PHF14: variants seen among roughly 807,000 people sequenced by gnomAD.
PHF14 encodes PHD finger protein 14.
In PHF14, 55 loss-of-function variants were observed where a neutral mutation model predicts 117.9. That is an observed-to-expected ratio of 0.47 (90% CI 0.38 to 0.58). The LOEUF is 0.58. PHF14 is among the 20% of genes least tolerant of loss of function. PHF14 has a pLI of 0.00. For synonymous variants in PHF14, 409 were observed against 368.6 expected (o/e 1.11, Z -1.26); for missense variants, 978 against 1,122.2 (o/e 0.87, Z 1.84).
chr7:11,000,940 C>G (rs35639676), intron 4 of PHF14, among the ~76,000 whole-genome samples: 3,055 of 151,984 alleles, frequency 0.02, 52 homozygotes, highest in Non-Finnish European at 0.034. Flanking sequence ...GTTACTATGC[C>G]TGAGGTTATC....
Position 10,982,990 on chromosome 7 carries a change from G to A in PHF14, c.731G>A (p.Ser244Asn), listed in dbSNP as rs1341877526. The change falls in exon 3 of 18, where the codon AGC becomes AAC. Residue 244 changes from serine to asparagine, a missense_variant. This residue lies in a region of PHF14 where 414 missense variants were observed against 376.4 expected (regional missense o/e 1.10). Coordinates refer to ENST00000634607, the MANE Select transcript of PHF14 (RefSeq NM_001007157.2). ...GDNEDDEDEG[S>N]GSDEDENDEG... Reference sequence around the variant, plus strand: ...AATGAGGATGATGAAGATGAGGGAAGCGGGAGTGATGAAGACGAGAATGAT... The same window carrying A: ...AATGAGGATGATGAAGATGAGGGAAACGGGAGTGATGAAGACGAGAATGAT... The A allele has an allele frequency of 6.3e-7, 1 of 1,583,862 alleles. No individual in the cohort carries two copies. The highest frequency in any genetic ancestry group is 2.3e-5 in the East Asian group (1 of 43,782).
At chr7:11,149,293 T>A (rs934003575) in intron 17 of PHF14, among the ~76,000 whole-genome samples, 1 of 152,148 alleles carries the variant, frequency 6.6e-6, no homozygotes, top group African/African-American at 2.4e-5. Context: ...ATTGACTCAT[T>A]ATGGTCAGTA....
intron 16 of PHF14, among the ~76,000 whole-genome samples, chr7:11,082,664 C>G (rs916795309): frequency 6.6e-6 from 1 of 152,178 alleles, no homozygotes; most frequent in African/African-American, 2.4e-5. Context: ...TTGGGGATAA[C>G]TAAACATACT....
chr7:11,003,291 C>T (rs940533473), intron 4 of PHF14, among the ~76,000 whole-genome samples: 1 of 152,130 alleles, frequency 6.6e-6, no homozygotes, highest in African/African-American at 2.4e-5. Flanking sequence ...CTCTGAGATC[C>T]CATACCCTGA....
At chr7:11,004,923 A>G (rs1783026656) in intron 4 of PHF14, among the ~76,000 whole-genome samples, 1 of 152,066 alleles carries the variant, frequency 6.6e-6, no homozygotes, top group African/African-American at 2.4e-5. Context: ...AGGCTGAGGC[A>G]CAAGAATAGC....
chr7:11,058,943 T>C (rs1439115198), intron 14 of PHF14, among the ~76,000 whole-genome samples: 3 of 152,106 alleles, frequency 2.0e-5, no homozygotes, highest in African/African-American at 7.2e-5. Flanking sequence ...AATAAGTTTA[T>C]TTTTGTAGAT....
intron 17 of PHF14, among the ~76,000 whole-genome samples, chr7:11,161,427 TG>T (rs1357429348): frequency 3.9e-5 from 6 of 152,148 alleles, no homozygotes; most frequent in African/African-American, 1.2e-4. Context: ...GTAATATACT[TG>T]TTTTTTTATG....
chr7:11,123,445 C>T (rs992025339), intron 17 of PHF14, among the ~76,000 whole-genome samples: 4 of 152,024 alleles, frequency 2.6e-5, no homozygotes, highest in Admixed American at 2.6e-4. Flanking sequence ...ATTAAATATG[C>T]TATAATTAAA....
chr7:11,011,895 G>A (rs186061557), intron 4 of PHF14, among the ~76,000 whole-genome samples: 1 of 152,212 alleles, frequency 6.6e-6, no homozygotes, highest in Admixed American at 6.5e-5. Flanking sequence ...GTTCAGCATG[G>A]TTTTTTATAG....
intron 17 of PHF14, among the ~76,000 whole-genome samples, chr7:11,129,400 A>C (rs560191847): frequency 6.6e-6 from 1 of 152,170 alleles, no homozygotes; most frequent in South Asian, 2.1e-4. Flanking sequence ...GTTAACATTT[A>C]ATAGTACCTG....
At chr7:11,034,242 T>C (rs1421639457) in intron 7 of PHF14, among the ~76,000 whole-genome samples, 1 of 152,168 alleles carries the variant, frequency 6.6e-6, no homozygotes, top group South Asian at 2.1e-4. Context: ...AGAGACACTT[T>C]TGACATAACT....
rs765510832 is a variant in PHF14, at chr7:11,022,952, A to G, written c.1290A>G (p.Glu430=). The G allele has an allele frequency of 6.8e-6, 11 of 1,606,060 alleles. No homozygotes were observed. Among genetic ancestry groups the G allele is most frequent in the African/African-American group, 6.7e-5 (5 of 74,784 alleles). ...IDKLRPVTLT[E]MNYSKYGAKE... ...AATTACGACCAGTAACACTAACGGAAATGAACTATTCCAAATATGGTGCCA... is the reference window on the plus strand; with the variant it reads ...AATTACGACCAGTAACACTAACGGAGATGAACTATTCCAAATATGGTGCCA... Residue 430 remains glutamate, a synonymous_variant, in exon 6 of 18, where the codon GAA becomes GAG. Coordinates refer to ENST00000634607, the MANE Select transcript of PHF14 (RefSeq NM_001007157.2).
intron 16 of PHF14, among the ~76,000 whole-genome samples, chr7:11,081,720 G>A (rs1450588504): frequency 6.6e-6 from 1 of 151,952 alleles, no homozygotes; most frequent in East Asian, 1.9e-4. Flanking sequence ...GCGGGGTGTG[G>A]TGGCACGTGC....
In PHF14 at chr7:11,040,630, C is replaced by G. The variant is rs1425539147; in HGVS notation, c.2077-42C>G. ...TTAGAGGAAAATGTTGCTTTTATTT[C>G]TTTCTTAAAACAATATATACTACAT... On this transcript the variant is annotated intron_variant, in intron 11 of 17. Transcript: ENST00000634607. 8.4e-6 allele frequency: 9 copies of G among 1,076,482 alleles called. No individual in the cohort carries two copies. In the Admixed American group the frequency reaches 9.3e-5, roughly 11 times the overall value. 66.7% of individuals were successfully genotyped at this position (1,076,482 alleles called of 1,614,324 possible).
chr7:11,154,053 G>A (rs1431456815), intron 17 of PHF14, among the ~76,000 whole-genome samples: 4 of 152,002 alleles, frequency 2.6e-5, no homozygotes, highest in South Asian at 4.2e-4. Context: ...TCATGTCGCC[G>A]GTAGGGTCTA....
chr7:11,030,030 A>T (rs1784067983), intron 7 of PHF14, among the ~76,000 whole-genome samples: 2 of 151,886 alleles, frequency 1.3e-5, no homozygotes, highest in Admixed American at 6.6e-5. Context: ...TTTTTGATAC[A>T]TGTAGCTGTT....
chr7:11,013,449 A>G (rs1442184577), intron 4 of PHF14, among the ~76,000 whole-genome samples: 1 of 152,182 alleles, frequency 6.6e-6, no homozygotes, highest in Non-Finnish European at 1.5e-5. Flanking sequence ...GGCATGAGCC[A>G]CTGCACCCAG....
At chr7:11,127,420 TA>T (rs1562478624) in intron 17 of PHF14, among the ~76,000 whole-genome samples, 1 of 152,076 alleles carries the variant, frequency 6.6e-6, no homozygotes, top group Non-Finnish European at 1.5e-5. Flanking sequence ...GATTCCTTTC[TA>T]GAGTCTTGCT....
At chr7:11,096,325 T>A (rs967730021) in intron 16 of PHF14, among the ~76,000 whole-genome samples, 1 of 152,200 alleles carries the variant, frequency 6.6e-6, no homozygotes, top group Non-Finnish European at 1.5e-5. Context: ...TATCCTAAAG[T>A]TTTTGAATGC....
Sources: allele counts gnomAD v4.1 joint callset (sites outside exome capture counted in the v4.1 genomes callset), GRCh38; gene constraint gnomAD v4.1.1; regional missense constraint gnomAD v4.1.1; transcripts MANE v1.5; gene names NCBI Gene and HGNC (gene_info 2026-07-23, HGNC 2026-07-21).